CCNE2: variants seen among roughly 807,000 people sequenced by gnomAD.
CCNE2 encodes G1/S-specific cyclin-E2.
CCNE2 carries 18 observed loss-of-function variants against 56.8 expected under a neutral mutation model. That is an observed-to-expected ratio of 0.32 (90% CI 0.22 to 0.47). The LOEUF is 0.47. Ranked by LOEUF, CCNE2 falls within the 20% of genes least tolerant of loss-of-function variation. CCNE2 has a pLI of 1.00. For synonymous variants in CCNE2, 139 were observed against 149.2 expected (o/e 0.93, Z 0.50); for missense variants, 371 against 467.1 (o/e 0.79, Z 1.90).
In CCNE2 at chr8:94,885,249, C is replaced by T. The variant is rs763408105; in HGVS notation, c.697-48G>A. On this transcript the variant is annotated intron_variant, in intron 8 of 11. Transcript: ENST00000308108. Reference sequence around the variant, plus strand: ...GCCTGTTAATGAATGTAGACACATACACCACATTATACAGCAGAGCTTAGA... The same window carrying T: ...GCCTGTTAATGAATGTAGACACATATACCACATTATACAGCAGAGCTTAGA... The T allele has an allele frequency of 4.5e-6, 7 of 1,546,190 alleles. No homozygotes were observed. In the East Asian group the frequency reaches 9.0e-5, roughly 20 times the overall value.
chr8:94,895,879 G>A, upstream of CCNE2: 1 of 153,630 alleles, frequency 6.5e-6, no homozygotes, highest in South Asian at 2.1e-4. Flanking sequence ...CCGCTCCGCC[G>A]GCCTTGCGCG....
At position 94,894,288 on chromosome 8, in the gene CCNE2, C is replaced by T; in HGVS notation, c.-26-41G>A. On this transcript the variant is annotated intron_variant, in intron 1 of 11. Transcript: ENST00000308108. ...GAAAAGCCGCAGTCAAGTACATTGTCATTCACATTCTCCAAGTGCCAGTAA... is the reference window on the plus strand; with the variant it reads ...GAAAAGCCGCAGTCAAGTACATTGTTATTCACATTCTCCAAGTGCCAGTAA... The T allele has an allele frequency of 1.9e-6, 3 of 1,597,006 alleles. No individual in the cohort carries two copies. In the South Asian group the frequency reaches 3.3e-5, roughly 18 times the overall value.
intron 9 of CCNE2, among the ~76,000 whole-genome samples, chr8:94,883,136 C>A (rs1421529399): frequency 6.6e-6 from 1 of 152,088 alleles, no homozygotes; most frequent in Admixed American, 6.6e-5. Context: ...ATTAGCTGGG[C>A]TTGGTGGCAC....
At chr8:94,885,417 T>A in intron 8 of CCNE2, 46 bp downstream of exon 8, 1 of 1,241,714 alleles carries the variant, frequency 8.1e-7, no homozygotes, top group Non-Finnish European at 1.2e-6. Flanking sequence ...TGTTACTTAG[T>A]AACATGGTTT....
chr8:94,893,998 T>C (rs1242731649), intron 3 of CCNE2, 25 bp downstream of exon 3: 2 of 1,613,876 alleles, frequency 1.2e-6, no homozygotes, highest in Non-Finnish European at 8.5e-7. Context: ...GGAATTTCGT[T>C]CCTCCCTCTT....
rs575192786 is a variant in CCNE2 at position 94,884,913 on chromosome 8, C to T, written c.831+154G>A. 1.9e-4 allele frequency: 113 copies of T among 594,024 alleles called. No individual in the cohort carries two copies. In the African/African-American group the frequency reaches 1.9e-3, roughly 10 times the overall value. 36.8% of individuals were successfully genotyped at this position (594,024 alleles called of 1,614,324 possible). A position where few individuals can be genotyped will look rare whatever the true frequency, so the allele number is the denominator to read the frequency against. ...TTCTAGAAATATTAAGCAACATAAA[C>T]ACTGGGGACAGAACTTTATGCGTCA... On this transcript the variant is annotated intron_variant, in intron 9 of 11. Transcript: ENST00000308108.
At position 94,888,627 on chromosome 8, in the gene CCNE2, C is replaced by T. The variant is rs887285037; in HGVS notation, c.454-554G>A. On this transcript the variant is annotated intron_variant, in intron 6 of 11. Coordinates refer to ENST00000308108, the MANE Select transcript of CCNE2 (RefSeq NM_057749.3). ...GCAACCTCTGCCTCCCAGGTTCAGG[C>T]GATTCTCCTACCTCAGCCTCCTGAG... is the stretch of plus-strand genomic sequence containing the variant. Among the ~76,000 whole-genome samples, 6 of 151,798 alleles carry T rather than the reference C, an allele frequency of 4.0e-5. No homozygotes were observed. The South Asian group carries it at 6.2e-4, about 16-fold the overall frequency.
chr8:94,894,083 G>A lies in CCNE2; in HGVS notation c.51C>T (p.Ser17=), dbSNP rs999141276. The part of the protein sequence containing the change: ...RLQAKQQPQP[S]QTESPQEAQI... Reference sequence around the variant, plus strand: ...GGGCTTCTTGGGGGGATTCCGTCTGGCTGGGCTGGGGCTGCTGCTTAGCTT... The same window carrying A: ...GGGCTTCTTGGGGGGATTCCGTCTGACTGGGCTGGGGCTGCTGCTTAGCTT... The change falls in exon 3 of 12, where the codon AGC becomes AGT. Residue 17 remains serine (S), a synonymous_variant. Transcript: ENST00000308108. 1 of 1,613,710 alleles carries A rather than the reference G, an allele frequency of 6.2e-7. No homozygotes were observed.
At position 94,894,123 on chromosome 8, in the gene CCNE2, T is replaced by C. The variant is rs772643746; in HGVS notation, c.15-4A>G. The C allele has an allele frequency of 1.2e-6, 2 of 1,613,544 alleles. No homozygotes were observed. Among genetic ancestry groups the C allele is most frequent in the East Asian group, 2.2e-5 (1 of 44,888 alleles). On this transcript the variant is annotated splice_polypyrimidine_tract_variant and splice_region_variant and intron_variant, in intron 2 of 11. Coordinates refer to ENST00000308108, the MANE Select transcript of CCNE2 (RefSeq NM_057749.3). ...CTGCTTAGCTTGTAAACGGCTACTG[T>C]AGTGAATTTTTAAAAAGGAAGTGTA...
chr8:94,892,442 A>C (rs1015339458), intron 5 of CCNE2, among the ~76,000 whole-genome samples: 1 of 152,254 alleles, frequency 6.6e-6, no homozygotes, highest in African/African-American at 2.4e-5. Flanking sequence ...TAAGTTTGGT[A>C]AGAAATAAAT....
rs569912151 is a variant in CCNE2 at position 94,887,500 on chromosome 8, G to A, written c.600+427C>T. Among the ~76,000 whole-genome samples the A allele has an allele frequency of 2.0e-4, 31 of 151,246 alleles. No individual in the cohort carries two copies. The South Asian group carries it at 4.6e-3, about 22-fold the overall frequency. On this transcript the variant is annotated intron_variant, in intron 7 of 11. Transcript: ENST00000308108. ...AGCCTGGGCAAAAGAGTGAGACTTC[G>A]TCTCGAAAAAAGAAAAAAAAAAGGC...
chr8:94,895,279 C>T (rs145552172), upstream of CCNE2: 5 of 984,440 alleles, frequency 5.1e-6, no homozygotes, highest in Non-Finnish European at 6.0e-6. Context: ...CTGACACCTC[C>T]GGACAGCGCG....
At chr8:94,883,275 C>CAA (rs111261848) in intron 9 of CCNE2, among the ~76,000 whole-genome samples, 32 of 98,986 alleles carry the variant, frequency 3.2e-4, no homozygotes, top group Non-Finnish European at 3.7e-4. Context: ...GACTCCGTCT[C>CAA]AAAAAAAAAA....
At chr8:94,885,288 C>G in intron 8 of CCNE2, 87 bp from the exon 9 acceptor site, 1 of 1,262,202 alleles carries the variant, frequency 7.9e-7, no homozygotes, top group Non-Finnish European at 1.1e-6. Flanking sequence ...TAAGTACATT[C>G]CCCATCCAAC....
In CCNE2 at chr8:94,881,577, A is replaced by T. The variant is rs1816814134; in HGVS notation, c.*55T>A. On this transcript the variant is annotated 3_prime_UTR_variant, in exon 12 of 12. Transcript: ENST00000308108. ...TCTGTAAAACTTTAGTAGTTCAGTG[A>T]TACCAGTTCTACCCAATCTTGGTGA... The T allele has an allele frequency of 6.3e-7, 1 of 1,576,110 alleles. No homozygotes were observed. The highest frequency in any genetic ancestry group is 1.8e-5 in the Admixed American group (1 of 55,286).
At chr8:94,884,791 G>A (rs1228854411) in intron 9 of CCNE2, 6 of 268,336 alleles carry the variant, frequency 2.2e-5, no homozygotes, top group Middle Eastern at 1.2e-3. Context: ...CACAACTGGC[G>A]AAAAAAATGC....
chr8:94,895,901 G>A (rs1453603708), upstream of CCNE2: 1 of 153,694 alleles, frequency 6.5e-6, no homozygotes, highest in Non-Finnish European at 1.4e-5. Context: ...CGCGCCCAGG[G>A]AAGGCATTTC....
In CCNE2 at chr8:94,880,232, T is replaced by C; in HGVS notation, c.*1400A>G. On this transcript the variant is annotated 3_prime_UTR_variant, in exon 12 of 12. Coordinates refer to ENST00000308108, the MANE Select transcript of CCNE2 (RefSeq NM_057749.3). The stretch of plus-strand genomic sequence containing the variant: ...CCAAGCAATGGCAAAACTTTACTTT[T>C]AAGCAGTTAAATTTTTTTAACTTTT... 6.4e-7 allele frequency: 1 copy of C among 1,562,306 alleles called. No homozygotes were observed. Among genetic ancestry groups the C allele is most frequent in the Non-Finnish European group, 8.7e-7 (1 of 1,146,236 alleles).
Position 94,881,102 on chromosome 8 carries a change from A to G in CCNE2, c.*530T>C, listed in dbSNP as rs1458136289. 3 of 396,842 alleles carry G rather than the reference A, an allele frequency of 7.6e-6. No homozygotes were observed. Among genetic ancestry groups the G allele is most frequent in the East Asian group, 3.6e-5 (1 of 27,956 alleles). The allele number at this position is 396,842 out of a possible 1,614,324, so 24.6% of individuals were successfully genotyped here. On this transcript the variant is annotated 3_prime_UTR_variant, in exon 12 of 12. Transcript: ENST00000308108. ...AATTCAAGTTTTATAATAGCTTGCT[A>G]TAGCAGCTATAGATAAATTAGTCAC...
Sources: allele counts gnomAD v4.1 joint callset (sites outside exome capture counted in the v4.1 genomes callset), GRCh38; gene constraint gnomAD v4.1.1; transcripts MANE v1.5; gene names NCBI Gene and HGNC (gene_info 2026-07-23, HGNC 2026-07-21).